The following GRIN2A variants were observed in gnomAD, a reference collection of about 807,000 sequenced individuals.
The protein encoded by GRIN2A is glutamate ionotropic receptor NMDA type subunit 2A.
Under a neutral mutation model 113.4 loss-of-function variants are expected in GRIN2A, and 22 were observed. That is an observed-to-expected ratio of 0.19 (90% confidence interval 0.14 to 0.28). GRIN2A has a LOEUF of 0.28. Among genes scored for constraint, GRIN2A ranks in the 10% least tolerant of loss-of-function variants. The pLI is 1.00. For synonymous variants in GRIN2A, 827 were observed against 738.4 expected, an observed-to-expected ratio of 1.12 and a Z score of -1.94; for missense variants, 1,502 against 1,887.0, an observed-to-expected ratio of 0.80 and a Z score of 3.78.
chr16:9,822,485 G>A lies in GRIN2A; in HGVS notation c.2008-61C>T, dbSNP rs897531177. ...GAAAAGAAAGAGAAGGGAGGAGGGGGAGGAGAGAACAAATAATAAATTAGT... is the reference window on the plus strand; with the variant it reads ...GAAAAGAAAGAGAAGGGAGGAGGGGAAGGAGAGAACAAATAATAAATTAGT... On this transcript the variant is annotated intron_variant, in intron 9 of 12. Transcript: ENST00000330684. 8 of 1,112,174 alleles carry A rather than the reference G, an allele frequency of 7.2e-6. No individual in the cohort carries two copies. The Admixed American group carries it at 8.6e-5, about 12-fold the overall frequency. The allele number at this position is 1,112,174 out of a possible 1,614,324, so 68.9% of individuals were successfully genotyped here.
At chr16:9,946,719 G>T (rs2045025903) in intron 2 of GRIN2A, among the ~76,000 whole-genome samples, 2 of 152,196 alleles carry the variant, frequency 1.3e-5, no homozygotes, top group African/African-American at 2.4e-5. Flanking sequence ...GATTTATGAA[G>T]AAAGGGACTA....
chr16:9,973,000 G>T (rs948604857), intron 2 of GRIN2A, among the ~76,000 whole-genome samples: 1 of 152,192 alleles, frequency 6.6e-6, no homozygotes, highest in Non-Finnish European at 1.5e-5. Flanking sequence ...GAAATCACAG[G>T]GCGTTAAAAT....
chr16:9,784,073 A>G (rs1253694430), intron 11 of GRIN2A, among the ~76,000 whole-genome samples: 1 of 152,180 alleles, frequency 6.6e-6, no homozygotes, highest in Non-Finnish European at 1.5e-5. Flanking sequence ...CCCCCATGAC[A>G]CAAGTTTACC....
At chr16:10,117,182 G>C (rs192390637) in intron 2 of GRIN2A, among the ~76,000 whole-genome samples, 2 of 152,158 alleles carry the variant, frequency 1.3e-5, no homozygotes, top group Non-Finnish European at 2.9e-5. Context: ...GTTGGCTCTA[G>C]TTGTTGGCTC....
chr16:10,111,447 G>A, intron 2 of GRIN2A: 1 of 581,572 alleles, frequency 1.7e-6, no homozygotes, highest in Non-Finnish European at 3.2e-6. Flanking sequence ...CCGTGCAGCA[G>A]CTCTTCCTCG....
intron 2 of GRIN2A, among the ~76,000 whole-genome samples, chr16:10,043,438 G>A (rs996393861): frequency 1.3e-5 from 2 of 152,170 alleles, no homozygotes; most frequent in Non-Finnish European, 2.9e-5. Flanking sequence ...ATGCTCACTC[G>A]CTACCTCCTT....
intron 2 of GRIN2A, among the ~76,000 whole-genome samples, chr16:10,059,234 T>C (rs117028901): frequency 0.039 from 5,999 of 152,278 alleles, 177 homozygotes; most frequent in Middle Eastern, 0.071. Flanking sequence ...GTGCAGTGGG[T>C]AGCCATGGAA....
At chr16:9,923,953 C>T (rs1233231872) in intron 3 of GRIN2A, among the ~76,000 whole-genome samples, 3 of 151,646 alleles carry the variant, frequency 2.0e-5, no homozygotes, top group East Asian at 1.9e-4. Context: ...ATGGTGAGAC[C>T]TCATCTCTAC....
chr16:10,072,482 C>T (rs575672607), intron 2 of GRIN2A, among the ~76,000 whole-genome samples: 1 of 152,180 alleles, frequency 6.6e-6, no homozygotes, highest in African/African-American at 2.4e-5. Flanking sequence ...GGGTCCCATG[C>T]CCTGAGTTTC....
At position 10,041,090 on chromosome 16, in the gene GRIN2A, G is replaced by A. The variant is rs1180508863; in HGVS notation, c.415-102539C>T. ...TGGGTAGAGTGCCAGATGTTAATCA[G>A]CAGCAATTAATGTCTTTTTACTTTA... On this transcript the variant is annotated intron_variant, in intron 2 of 12. Transcript: ENST00000330684. Among the ~76,000 whole-genome samples the A allele has an allele frequency of 1.3e-5, 2 of 152,240 alleles. 1 individual carries two copies. Among genetic ancestry groups the A allele is most frequent in the South Asian group, 4.1e-4 (2 of 4,830 alleles).
intron 2 of GRIN2A, among the ~76,000 whole-genome samples, chr16:9,981,559 T>C (rs1214441281): frequency 6.6e-6 from 1 of 152,198 alleles, no homozygotes; most frequent in African/African-American, 2.4e-5. Flanking sequence ...ACTCCAGATA[T>C]CATATCATTC....
intron 2 of GRIN2A, among the ~76,000 whole-genome samples, chr16:10,134,382 T>A (rs1334900149): frequency 6.6e-6 from 1 of 151,170 alleles, no homozygotes; most frequent in African/African-American, 2.4e-5. Context: ...CGTCATTTCC[T>A]GCCTGTAGAA....
chr16:9,980,404 T>G (rs2045868369), intron 2 of GRIN2A, among the ~76,000 whole-genome samples: 1 of 152,140 alleles, frequency 6.6e-6, no homozygotes, highest in Non-Finnish European at 1.5e-5. Context: ...GTAAACTAGT[T>G]CAACCATTGT....
intron 11 of GRIN2A, among the ~76,000 whole-genome samples, chr16:9,785,559 T>G (rs1902188208): frequency 1.3e-5 from 2 of 151,596 alleles, no homozygotes; most frequent in African/African-American, 4.9e-5. Flanking sequence ...CTGCACGTTG[T>G]GCACGTGTAC....
intron 2 of GRIN2A, among the ~76,000 whole-genome samples, chr16:9,974,868 A>T (rs11644233): frequency 1.3e-5 from 2 of 151,908 alleles, no homozygotes; most frequent in Non-Finnish European, 1.5e-5. Flanking sequence ...TAGGACTTCC[A>T]GTACTATGCT....
intron 10 of GRIN2A, among the ~76,000 whole-genome samples, chr16:9,812,714 A>C (rs1360883011): frequency 6.6e-6 from 1 of 152,198 alleles, no homozygotes; most frequent in Non-Finnish European, 1.5e-5. Context: ...AAATTTAAAA[A>C]ACAAAGAATT....
chr16:10,119,593 G>T (rs1412615903), intron 2 of GRIN2A, among the ~76,000 whole-genome samples: 1 of 152,092 alleles, frequency 6.6e-6, no homozygotes, highest in Non-Finnish European at 1.5e-5. Flanking sequence ...TTCATTTTAG[G>T]TTCAGGGGTA....
At chr16:9,918,168 T>A (rs968915316) in intron 3 of GRIN2A, among the ~76,000 whole-genome samples, 2 of 152,216 alleles carry the variant, frequency 1.3e-5, no homozygotes, top group African/African-American at 4.8e-5. Context: ...CTCAGATATA[T>A]TTAGTTGCTT....
At chr16:10,113,789 TTG>T (rs2048672861) in intron 2 of GRIN2A, among the ~76,000 whole-genome samples, 1 of 152,240 alleles carries the variant, frequency 6.6e-6, no homozygotes. Flanking sequence ...AATGCCATTA[TTG>T]TTTAATATGT....
Sources: allele counts gnomAD v4.1 joint callset (sites outside exome capture counted in the v4.1 genomes callset), GRCh38; gene constraint gnomAD v4.1.1; transcripts MANE v1.5; gene names NCBI Gene and HGNC (gene_info 2026-07-23, HGNC 2026-07-21).